SPOCK1: variants seen among roughly 807,000 people sequenced by gnomAD.
SPOCK1 encodes the protein SPARC (osteonectin), cwcv and kazal like domains proteoglycan 1, also known as testican-1.
A neutral mutation model predicts 55.3 loss-of-function variants in SPOCK1; 23 were observed. The observed-to-expected ratio is 0.42, with a 90% CI of 0.30 to 0.59. The LOEUF (loss-of-function observed/expected upper bound fraction) is 0.59. Among genes scored for constraint, SPOCK1 ranks in the 20% least tolerant of loss-of-function variants. The pLI, the probability that SPOCK1 is intolerant of heterozygous loss-of-function variation, is 0.22. For missense variants in SPOCK1, 499 were observed against 552.5 expected, an observed-to-expected ratio of 0.90 and a Z score of 0.97; for synonymous variants, 226 against 221.0, an observed-to-expected ratio of 1.02 and a Z score of -0.20.
chr5:137,004,667 G>T (rs1253072397), intron 6 of SPOCK1, among the ~76,000 whole-genome samples: 1 of 151,946 alleles, frequency 6.6e-6, no homozygotes, highest in Non-Finnish European at 1.5e-5. Flanking sequence ...TTCCCCTCCT[G>T]AATGTCATAT....
chr5:137,357,274 A>ATGAT (rs1465234872), intron 2 of SPOCK1, among the ~76,000 whole-genome samples: 9 of 152,192 alleles, frequency 5.9e-5, no homozygotes, highest in Non-Finnish European at 8.8e-5. Flanking sequence ...ATCTATAATT[A>ATGAT]TGATTCAGGC....
At chr5:137,119,098 T>G (rs892881295) in intron 4 of SPOCK1, among the ~76,000 whole-genome samples, 5 of 152,192 alleles carry the variant, frequency 3.3e-5, no homozygotes, top group Non-Finnish European at 5.9e-5. Flanking sequence ...CTTTGTTCTC[T>G]TATCACATCT....
At chr5:137,056,992 A>G (rs865821657) in intron 6 of SPOCK1, among the ~76,000 whole-genome samples, 3 of 152,158 alleles carry the variant, frequency 2.0e-5, no homozygotes, top group Non-Finnish European at 2.9e-5. Flanking sequence ...CATCACTGGG[A>G]AACTTGAAAG....
intron 3 of SPOCK1, among the ~76,000 whole-genome samples, chr5:137,149,895 T>A (rs2127057340): frequency 6.6e-6 from 1 of 152,322 alleles, no homozygotes; most frequent in East Asian, 1.9e-4. Flanking sequence ...GTTACTCAAC[T>A]CTTTAGGATT....
At chr5:137,211,920 C>T (rs1755625680) in intron 3 of SPOCK1, among the ~76,000 whole-genome samples, 1 of 152,202 alleles carries the variant, frequency 6.6e-6, no homozygotes, top group African/African-American at 2.4e-5. Flanking sequence ...GGCTGTTCAT[C>T]TGTACCCTTT....
chr5:137,185,485 G>T (rs1269042285), intron 3 of SPOCK1, among the ~76,000 whole-genome samples: 1 of 152,316 alleles, frequency 6.6e-6, no homozygotes, highest in Non-Finnish European at 1.5e-5. Context: ...AGTTTAATTT[G>T]TTGCATTTCT....
At chr5:137,374,817 A>C (rs1044969190) in intron 2 of SPOCK1, among the ~76,000 whole-genome samples, 13 of 152,184 alleles carry the variant, frequency 8.5e-5, no homozygotes, top group Admixed American at 1.3e-4. Context: ...CTCACAGATA[A>C]GGAAAGTGAG....
At chr5:137,163,568 T>G (rs1259289924) in intron 3 of SPOCK1, among the ~76,000 whole-genome samples, 1 of 152,212 alleles carries the variant, frequency 6.6e-6, no homozygotes, top group Non-Finnish European at 1.5e-5. Flanking sequence ...GGATGCTATC[T>G]TACCATCTCA....
At chr5:137,027,695 AT>A (rs1159403483) in intron 6 of SPOCK1, among the ~76,000 whole-genome samples, 3 of 152,204 alleles carry the variant, frequency 2.0e-5, no homozygotes, top group Admixed American at 2.0e-4. Flanking sequence ...CTCTCCAGGC[AT>A]GGGGAGGCTT....
At chr5:137,309,329 C>T (rs1215548845) in intron 2 of SPOCK1, among the ~76,000 whole-genome samples, 3 of 152,192 alleles carry the variant, frequency 2.0e-5, no homozygotes, top group Non-Finnish European at 2.9e-5. Context: ...TCCTGGAATT[C>T]CTGCTCAGGG....
At chr5:137,375,624 G>T (rs1403484141) in intron 2 of SPOCK1, among the ~76,000 whole-genome samples, 1 of 152,190 alleles carries the variant, frequency 6.6e-6, no homozygotes, top group Non-Finnish European at 1.5e-5. Context: ...AAATATCTCA[G>T]TAAATTATTT....
chr5:137,072,216 A>C (rs1417046790), intron 5 of SPOCK1, among the ~76,000 whole-genome samples: 3 of 152,250 alleles, frequency 2.0e-5, no homozygotes, highest in African/African-American at 7.2e-5. Context: ...TTAAAAATTC[A>C]AACCTTTATA....
At chr5:137,194,891 C>T (rs772233308) in intron 3 of SPOCK1, among the ~76,000 whole-genome samples, 5 of 152,220 alleles carry the variant, frequency 3.3e-5, no homozygotes, top group Non-Finnish European at 7.3e-5. Context: ...GATGCCATCA[C>T]CATGCACAGT....
chr5:137,453,474 C>T (rs1342624475), intron 2 of SPOCK1, among the ~76,000 whole-genome samples: 1 of 152,078 alleles, frequency 6.6e-6, no homozygotes, highest in Admixed American at 6.6e-5. Context: ...AACTTGGGCC[C>T]AAAATATCAA....
intron 2 of SPOCK1, among the ~76,000 whole-genome samples, chr5:137,328,335 C>T (rs569724559): frequency 6.6e-6 from 1 of 152,234 alleles, no homozygotes; most frequent in South Asian, 2.1e-4. Context: ...TGAAAGTTTG[C>T]AAGGATGACC....
chr5:137,133,927 C>T (rs567980259), intron 4 of SPOCK1, among the ~76,000 whole-genome samples: 1 of 148,692 alleles, frequency 6.7e-6, no homozygotes, highest in South Asian at 2.2e-4. Flanking sequence ...TACAGCAGCA[C>T]CTCTAGGGCC....
chr5:137,370,344 C>T (rs1227690385), intron 2 of SPOCK1, among the ~76,000 whole-genome samples: 1 of 152,162 alleles, frequency 6.6e-6, no homozygotes, highest in African/African-American at 2.4e-5. Flanking sequence ...TTTTCCACCT[C>T]TTAATCACGT....
chr5:137,340,546 G>A (rs1750396473), intron 2 of SPOCK1, among the ~76,000 whole-genome samples: 1 of 152,292 alleles, frequency 6.6e-6, no homozygotes, highest in East Asian at 1.9e-4. Flanking sequence ...AATTAAGTGA[G>A]GAAGTCAGGG....
chr5:137,002,320 G>T (rs1314822474), intron 6 of SPOCK1, among the ~76,000 whole-genome samples: 3 of 151,958 alleles, frequency 2.0e-5, no homozygotes, highest in African/African-American at 7.3e-5. Flanking sequence ...TCTGGAAAAA[G>T]AAACATTTAG....
Sources: gnomAD v4.1 joint callset for allele counts (sites outside exome capture counted in the v4.1 genomes callset) on GRCh38, gnomAD v4.1.1 for gene constraint, MANE v1.5 for transcripts, NCBI Gene and HGNC (gene_info 2026-07-23, HGNC 2026-07-21) for gene names.